The following MIA2 variants were observed in gnomAD, a reference collection of about 807,000 sequenced individuals.
MIA2 encodes the protein MIA SH3 domain ER export factor 2, also known as melanoma inhibitory activity protein 2.
Under a neutral mutation model 167.8 loss-of-function variants are expected in MIA2, and 127 were observed. The observed-to-expected ratio is 0.76, with a 90% confidence interval of 0.66 to 0.88. MIA2 has a LOEUF of 0.88. Among genes scored for constraint, MIA2 ranks in the 40% least tolerant of loss-of-function variants. MIA2 has a pLI of 0.00. For synonymous variants in MIA2, 552 were observed against 541.9 expected (o/e 1.02, Z -0.26); for missense variants, 1,690 against 1,624.7 (o/e 1.04, Z -0.69).
At chr14:39,366,921 G>C (rs2074834138) in intron 23 of MIA2, among the ~76,000 whole-genome samples, 2 of 152,212 alleles carry the variant, frequency 1.3e-5, no homozygotes, top group South Asian at 4.1e-4. Flanking sequence ...AGCAGAAATA[G>C]TTCTCAGAGT....
chr14:39,285,887 G>C (rs2059696482), intron 9 of MIA2, among the ~76,000 whole-genome samples: 1 of 151,378 alleles, frequency 6.6e-6, no homozygotes, highest in Non-Finnish European at 1.5e-5. Flanking sequence ...TCAGACGATG[G>C]GCGGCCGGGC....
At chr14:39,235,802 A>C (rs2053713555) in intron 1 of MIA2, among the ~76,000 whole-genome samples, 1 of 152,060 alleles carries the variant, frequency 6.6e-6, no homozygotes, top group Non-Finnish European at 1.5e-5. Flanking sequence ...AAAGAAAAAA[A>C]AATTTTTCTT....
intron 24 of MIA2, 30 bp from the exon 25 acceptor site, chr14:39,326,834 A>C (rs775356105): frequency 2.2e-5 from 32 of 1,478,954 alleles, no homozygotes; most frequent in Non-Finnish European, 2.7e-5. Flanking sequence ...AAGATGAAAC[A>C]GATTTGTATG....
downstream of MIA2, among the ~76,000 whole-genome samples, chr14:39,354,621 A>G (rs1452716153): frequency 1.3e-5 from 2 of 152,332 alleles, no homozygotes; most frequent in East Asian, 3.9e-4. Flanking sequence ...TGTTTTAGAC[A>G]TGAGATCCTT....
At chr14:39,237,715 T>G (rs890332679) in intron 2 of MIA2, among the ~76,000 whole-genome samples, 1 of 152,186 alleles carries the variant, frequency 6.6e-6, no homozygotes, top group Non-Finnish European at 1.5e-5. Flanking sequence ...CAGTCATTTC[T>G]TGGTGCTGCC....
At chr14:39,267,429 CT>C in intron 6 of MIA2, 1 of 1,610,888 alleles carries the variant, frequency 6.2e-7, no homozygotes, top group Non-Finnish European at 8.5e-7. Context: ...GCCGGGGTTA[CT>C]GTGGCGACCA....
intron 25 of MIA2, among the ~76,000 whole-genome samples, chr14:39,331,548 C>T (rs937122293): frequency 2.0e-5 from 3 of 152,092 alleles, no homozygotes; most frequent in South Asian, 2.1e-4. Context: ...TTCTTCATCA[C>T]GTTGATGGTC....
chr14:39,348,745 T>C lies in MIA2; in HGVS notation c.3840T>C (p.Asn1280=). 1.2e-6 allele frequency: 2 copies of C among 1,613,898 alleles called. No individual in the cohort carries two copies. The highest frequency in any genetic ancestry group is 1.7e-6 in the Non-Finnish European group (2 of 1,179,800). ...TGCCATATGTCAATTTGTTGTAGAATTTAAATGTGCCTGATTCATCTCTCC... is the reference window on the plus strand; with the variant it reads ...TGCCATATGTCAATTTGTTGTAGAACTTAAATGTGCCTGATTCATCTCTCC... The part of the protein sequence containing the change: ...SRNDTKDDLG[N]LNVPDSSLPA... Residue 1280 remains asparagine, a splice_region_variant and synonymous_variant, in exon 28 of 29, where the codon AAT becomes AAC. Transcript: ENST00000640607.
chr14:39,265,249 T>C (rs2152665708), intron 6 of MIA2: 2 of 687,928 alleles, frequency 2.9e-6, no homozygotes, highest in Non-Finnish European at 2.5e-6. Context: ...AGCACCCCTT[T>C]ACCACACAAA....
intron 6 of MIA2, chr14:39,265,198 A>G: frequency 1.8e-6 from 1 of 548,352 alleles, no homozygotes. Context: ...AGTGAGGTCC[A>G]TGAAATTGGG....
intron 9 of MIA2, among the ~76,000 whole-genome samples, chr14:39,286,730 G>C (rs1595071390): frequency 9.1e-6 from 1 of 110,176 alleles, no homozygotes; most frequent in Non-Finnish European, 1.8e-5. Context: ...CTCTCACTCT[G>C]TTGCCCAGGC....
At chr14:39,315,040 T>G (rs2065123878) in intron 20 of MIA2, 6 of 336,016 alleles carry the variant, frequency 1.8e-5, no homozygotes, top group East Asian at 4.5e-5. Flanking sequence ...CCCAGCACTT[T>G]GGGAAGCCGA....
At chr14:39,279,604 C>T in intron 9 of MIA2, 67 bp downstream of exon 9, 1 of 1,010,976 alleles carries the variant, frequency 9.9e-7, no homozygotes, top group Non-Finnish European at 1.5e-6. Context: ...ACTGTAGGTA[C>T]TTCTGTGTAA....
chr14:39,345,791 G>T, intron 25 of MIA2, 113 bp from the exon 26 acceptor site: 2 of 774,058 alleles, frequency 2.6e-6, no homozygotes, highest in Non-Finnish European at 2.0e-6. Flanking sequence ...CCAAGAAGAT[G>T]ATGAGTTTAA....
chr14:39,347,818 C>A, intron 27 of MIA2, 47 bp downstream of exon 27: 430 of 703,946 alleles, frequency 6.1e-4, no homozygotes, highest in Non-Finnish European at 7.8e-4. Flanking sequence ...CAGAAGCCTT[C>A]TTTTTTTTTT....
chr14:39,358,108 A>G (rs1392337726), intron 23 of MIA2, among the ~76,000 whole-genome samples: 1 of 152,148 alleles, frequency 6.6e-6, no homozygotes, highest in African/African-American at 2.4e-5. Flanking sequence ...TTGCCTTGCT[A>G]GACTGGGGAA....
In MIA2 at chr14:39,374,008, G is replaced by C. The variant is rs114161811; in HGVS notation, c.2249-12877G>C. Among the ~76,000 whole-genome samples, 911 of 152,194 alleles carry C rather than the reference G, an allele frequency of 6.0e-3. 9 individuals are homozygous for C. The highest frequency in any genetic ancestry group is 0.021 in the African/African-American group (872 of 41,522). ...AGACTGTCTCAACAAGCAAACTCAAGGTGTGAGACTGGACCCAGCTAAAAA... is the reference window on the plus strand; with the variant it reads ...AGACTGTCTCAACAAGCAAACTCAACGTGTGAGACTGGACCCAGCTAAAAA... On this transcript the variant is annotated intron_variant, in intron 23 of 23. Transcript: ENST00000341502.
chr14:39,288,442 TATATATATATATATATATA>T (rs1566746041), intron 9 of MIA2, among the ~76,000 whole-genome samples: 10 of 9,768 alleles, frequency 1.0e-3, no homozygotes, highest in South Asian at 3.4e-3. Context: ...CATATATATA[TATATATATATATATATATA>T]TATATATATA....
Position 39,348,771 on chromosome 14 carries a change from C to T in MIA2, c.3866C>T (p.Pro1289Leu), listed in dbSNP as rs773128481. The T allele has an allele frequency of 1.2e-6, 2 of 1,613,816 alleles. No homozygotes were observed. Among genetic ancestry groups the T allele is most frequent in the African/African-American group, 2.7e-5 (2 of 74,906 alleles). ...TTAAATGTGCCTGATTCATCTCTCC[C>T]TGCTGAAAATGAAGCCACTGGCCCT... The part of the protein sequence containing the change: ...GNLNVPDSSL[P>L]AENEATGPGF... The change falls in exon 28 of 29, where the codon CCT (proline) becomes CTT (leucine). Residue 1289 changes from proline (P) to leucine (L), a missense_variant. Pro to Leu is a moderately conservative substitution (Grantham distance 98, BLOSUM62 -3). Transcript: ENST00000640607.
Sources: gnomAD v4.1 joint callset for allele counts (sites outside exome capture counted in the v4.1 genomes callset) on GRCh38, gnomAD v4.1.1 for gene constraint, MANE v1.5 for transcripts, NCBI Gene and HGNC (gene_info 2026-07-23, HGNC 2026-07-21) for gene names.